The following CSMD1 variants were observed in gnomAD, a reference collection of about 807,000 sequenced individuals.
The protein encoded by CSMD1 is CUB and Sushi multiple domains 1.
A neutral mutation model predicts 417.5 loss-of-function variants in CSMD1; 213 were observed. That is an observed-to-expected ratio of 0.51 (90% confidence interval 0.46 to 0.57). CSMD1 has a LOEUF of 0.57. CSMD1 is among the 20% of genes least tolerant of loss of function. The pLI, the probability that CSMD1 is intolerant of heterozygous loss-of-function variation, is 0.00. For synonymous variants in CSMD1, 2,862 were observed against 1,736.8 expected (o/e 1.65, Z -16.11); for missense variants, 6,923 against 4,529.7 (o/e 1.53, Z -15.17).
At chr8:3,596,293 AC>A (rs1801091107) in intron 8 of CSMD1, among the ~76,000 whole-genome samples, 1 of 152,104 alleles carries the variant, frequency 6.6e-6, no homozygotes, top group African/African-American at 2.4e-5. Flanking sequence ...AGTTTGTTTT[AC>A]TTCATGAACA....
intron 5 of CSMD1, among the ~76,000 whole-genome samples, chr8:3,794,398 C>G (rs1243560526): frequency 1.3e-5 from 2 of 152,158 alleles, no homozygotes; most frequent in South Asian, 2.1e-4. Flanking sequence ...ATGTAGTTTT[C>G]TATCACTAAC....
intron 28 of CSMD1, among the ~76,000 whole-genome samples, chr8:3,220,634 C>T (rs938017121): frequency 1.3e-5 from 2 of 152,168 alleles, no homozygotes; most frequent in African/African-American, 4.8e-5. Context: ...AGTTCGAGAA[C>T]AGCCTGGCCA....
intron 3 of CSMD1, among the ~76,000 whole-genome samples, chr8:4,147,214 G>C (rs1215531385): frequency 6.6e-6 from 1 of 151,922 alleles, no homozygotes; most frequent in Non-Finnish European, 1.5e-5. Context: ...TACTGAAAAA[G>C]AAAGCACGCA....
chr8:4,381,187 G>A (rs1314832864), intron 3 of CSMD1, among the ~76,000 whole-genome samples: 2 of 152,138 alleles, frequency 1.3e-5, no homozygotes, highest in African/African-American at 4.8e-5. Context: ...GTTCTCTACG[G>A]TACTGATAAA....
Position 2,978,634 on chromosome 8 carries a change from G to T in CSMD1, c.8544C>A (p.Asp2848Glu). 1.3e-6 allele frequency: 2 copies of T among 1,598,502 alleles called. No individual in the cohort carries two copies. Among genetic ancestry groups the T allele is most frequent in the Non-Finnish European group, 1.7e-6 (2 of 1,172,196 alleles). The change falls in exon 55 of 70, where the codon GAC becomes GAA. Residue 2848 changes from aspartate to glutamate, a missense_variant. Physicochemically the swap from Asp to Glu is conservative, Grantham distance 45. Coordinates refer to ENST00000635120, the MANE Select transcript of CSMD1 (RefSeq NM_033225.6). ...ALTCMANGLW[D>E]RSLPKCLAIS... ...TACCCAAACACTTGGGCAGGGATCG[G>T]TCCCATAAGCCATTTGCCATACAGG...
At chr8:3,735,798 G>C (rs150123502) in intron 6 of CSMD1, among the ~76,000 whole-genome samples, 2 of 152,220 alleles carry the variant, frequency 1.3e-5, no homozygotes, top group Middle Eastern at 3.4e-3. Context: ...TGCTAATCTG[G>C]CCAATTACAC....
intron 11 of CSMD1, among the ~76,000 whole-genome samples, chr8:3,488,099 T>C (rs1301196800): frequency 6.6e-6 from 1 of 150,982 alleles, no homozygotes; most frequent in Admixed American, 6.6e-5. Context: ...TTATTATTAT[T>C]ATTATTATTA....
intron 1 of CSMD1, chr8:4,787,954 G>A: frequency 2.5e-6 from 4 of 1,595,710 alleles, no homozygotes; most frequent in Non-Finnish European, 2.6e-6. Flanking sequence ...GATTCCTGGA[G>A]ACTCTGGCCA....
chr8:4,360,615 G>A (rs144225655), intron 3 of CSMD1, among the ~76,000 whole-genome samples: 2 of 151,480 alleles, frequency 1.3e-5, no homozygotes, highest in South Asian at 4.2e-4. Context: ...TCAGCCTCCA[G>A]AGTAGCTGAG....
intron 1 of CSMD1, among the ~76,000 whole-genome samples, chr8:4,739,816 T>C (rs1252551494): frequency 2.6e-5 from 4 of 152,164 alleles, no homozygotes; most frequent in African/African-American, 4.8e-5. Context: ...CAGCCTCCTT[T>C]GTGATCTTTC....
intron 5 of CSMD1, among the ~76,000 whole-genome samples, chr8:3,886,813 A>C (rs914242387): frequency 1.3e-5 from 2 of 152,176 alleles, no homozygotes; most frequent in African/African-American, 4.8e-5. Flanking sequence ...AGGAGGGTAG[A>C]ATAGAGATTT....
At chr8:4,868,393 C>A (rs1428556033) in intron 1 of CSMD1, among the ~76,000 whole-genome samples, 1 of 151,984 alleles carries the variant, frequency 6.6e-6, no homozygotes, top group Non-Finnish European at 1.5e-5. Flanking sequence ...CACCACTACA[C>A]CCGACTAATT....
intron 5 of CSMD1, among the ~76,000 whole-genome samples, chr8:3,987,199 C>G (rs148830704): frequency 1.3e-5 from 2 of 152,216 alleles, no homozygotes; most frequent in African/African-American, 2.4e-5. Context: ...TTTACACACA[C>G]CGTGCCCACA....
intron 12 of CSMD1, among the ~76,000 whole-genome samples, chr8:3,442,854 C>A (rs1357760320): frequency 6.6e-6 from 1 of 151,692 alleles, no homozygotes; most frequent in Non-Finnish European, 1.5e-5. Flanking sequence ...ATGTCTGTAC[C>A]TGGTTTTGGC....
At chr8:3,809,332 G>A (rs369345737) in intron 5 of CSMD1, among the ~76,000 whole-genome samples, 3 of 152,196 alleles carry the variant, frequency 2.0e-5, no homozygotes, top group East Asian at 1.9e-4. Context: ...GATTTTTATC[G>A]ATAAATATTT....
intron 3 of CSMD1, among the ~76,000 whole-genome samples, chr8:4,076,340 T>A (rs1281400677): frequency 6.6e-6 from 1 of 152,214 alleles, no homozygotes; most frequent in Non-Finnish European, 1.5e-5. Flanking sequence ...GAACTGTGTG[T>A]CAATCAAACC....
At chr8:4,784,274 C>G (rs552670872) in intron 1 of CSMD1, among the ~76,000 whole-genome samples, 16 of 152,316 alleles carry the variant, frequency 1.1e-4, no homozygotes, top group African/African-American at 3.8e-4. Flanking sequence ...CTTTACCTTC[C>G]TCTAGTTCTA....
intron 4 of CSMD1, among the ~76,000 whole-genome samples, chr8:4,026,282 G>C (rs116474215): frequency 6.6e-6 from 1 of 152,108 alleles, no homozygotes; most frequent in African/African-American, 2.4e-5. Flanking sequence ...GCAATTTGAA[G>C]TCATACTACA....
chr8:4,630,530 A>C (rs1293550497), intron 2 of CSMD1, among the ~76,000 whole-genome samples: 1 of 152,202 alleles, frequency 6.6e-6, no homozygotes, highest in Non-Finnish European at 1.5e-5. Context: ...GTAATGATTG[A>C]GCTTACCTAG....
Sources: gnomAD v4.1 joint callset for allele counts (sites outside exome capture counted in the v4.1 genomes callset) on GRCh38, gnomAD v4.1.1 for gene constraint, MANE v1.5 for transcripts, NCBI Gene and HGNC (gene_info 2026-07-23, HGNC 2026-07-21) for gene names.